LGALS9: variants seen among roughly 807,000 people sequenced by gnomAD.
The protein encoded by LGALS9 is galectin-9.
Under a neutral mutation model 35.9 loss-of-function variants are expected in LGALS9, and 26 were observed. The observed-to-expected ratio is 0.72, with a 90% CI of 0.53 to 1.01. The LOEUF (loss-of-function observed/expected upper bound fraction) is 1.01, where lower values mean the gene tolerates loss of function less well. Among genes scored for constraint, LGALS9 ranks in the 50% least tolerant of loss-of-function variants. The pLI, the probability that LGALS9 is intolerant of heterozygous loss-of-function variation, is 0.00. For synonymous variants in LGALS9, 149 were observed against 172.2 expected (o/e 0.87, Z 1.06); for missense variants, 347 against 445.8 (o/e 0.78, Z 1.99).
chr17:27,632,559 G>A (rs1360259364), intron 1 of LGALS9, among the ~76,000 whole-genome samples: 1 of 152,208 alleles, frequency 6.6e-6, no homozygotes, highest in Admixed American at 6.5e-5. Flanking sequence ...GGAACAGGCC[G>A]CTGGTGGGGG....
intron 3 of LGALS9, 122 bp downstream of exon 3, chr17:27,640,895 C>A (rs569304883): frequency 6.3e-6 from 9 of 1,431,082 alleles, no homozygotes; most frequent in Non-Finnish European, 8.7e-6. Context: ...ACAGATAACA[C>A]GCTCATTTCC....
At chr17:27,631,401 T>G (rs1598176336) in intron 1 of LGALS9, 97 bp downstream of exon 1, 1 of 1,489,982 alleles carries the variant, frequency 6.7e-7, no homozygotes. Context: ...GGGATGGGGG[T>G]GGGGGCATCC....
chr17:27,641,515 C>T (rs1242964502), intron 3 of LGALS9, among the ~76,000 whole-genome samples: 1 of 152,140 alleles, frequency 6.6e-6, no homozygotes, highest in East Asian at 1.9e-4. Flanking sequence ...GGAAACAACA[C>T]ACCCTTGGGC....
chr17:27,645,168 G>A (rs1904839508), intron 5 of LGALS9, 146 bp from the exon 6 acceptor site: 6 of 1,562,594 alleles, frequency 3.8e-6, no homozygotes, highest in Non-Finnish European at 5.2e-6. Flanking sequence ...ACGGGCTCAG[G>A]AAGGCTTGCT....
At chr17:27,644,140 G>C (rs1049034168) in intron 5 of LGALS9, 1 of 153,888 alleles carries the variant, frequency 6.5e-6, no homozygotes, top group African/African-American at 2.4e-5. Flanking sequence ...AGGCCCTCTT[G>C]GGCCACCATG....
Position 27,649,284 on chromosome 17 carries a change from A to G in LGALS9, c.*302A>G. 1 of 483,924 alleles carries G rather than the reference A, an allele frequency of 2.1e-6. No homozygotes were observed. Among genetic ancestry groups the G allele is most frequent in the Non-Finnish European group, 3.8e-6 (1 of 261,548 alleles). 30.0% of individuals were successfully genotyped at this position (483,924 alleles called of 1,614,324 possible). ...GAGTGGGCAGTGAAGATGAAGCCCC[A>G]TGCTCAGTCCCCTCCCATCCCCCAC... On this transcript the variant is annotated 3_prime_UTR_variant, in exon 11 of 11. Coordinates refer to ENST00000395473, the MANE Select transcript of LGALS9 (RefSeq NM_009587.3).
intron 2 of LGALS9, among the ~76,000 whole-genome samples, chr17:27,639,026 G>T (rs1309331167): frequency 6.6e-6 from 1 of 152,134 alleles, no homozygotes; most frequent in African/African-American, 2.4e-5. Flanking sequence ...ACCATGGGTG[G>T]CTGCCTGCTG....
chr17:27,643,672 G>A lies in LGALS9; in HGVS notation c.540+52G>A, dbSNP rs748706611. On this transcript the variant is annotated intron_variant, in intron 5 of 10. Coordinates refer to ENST00000395473, the MANE Select transcript of LGALS9 (RefSeq NM_009587.3). Reference sequence around the variant, plus strand: ...GGCCGAGCAGACAGTAGGAAGGACCGAGGGTCTGAGAGGCTGGCCCCAGCC... The same window carrying A: ...GGCCGAGCAGACAGTAGGAAGGACCAAGGGTCTGAGAGGCTGGCCCCAGCC... 99 of 1,528,780 alleles carry A rather than the reference G, an allele frequency of 6.5e-5. No individual in the cohort carries two copies. The Admixed American group carries it at 1.0e-3, about 16-fold the overall frequency. The allele number at this position is 1,528,780 out of a possible 1,614,324, so 94.7% of individuals were successfully genotyped here.
intron 2 of LGALS9, chr17:27,638,712 T>G (rs1043407239): frequency 8.7e-6 from 3 of 346,012 alleles, no homozygotes; most frequent in African/African-American, 4.2e-5. Context: ...TCATCCACTC[T>G]GAAGCTCTCC....
At chr17:27,646,424 G>T in intron 7 of LGALS9, 123 bp from the exon 8 acceptor site, 1 of 1,487,190 alleles carries the variant, frequency 6.7e-7, no homozygotes, top group Non-Finnish European at 9.4e-7. Context: ...GCGAGTCCAA[G>T]GGCCAAAGGC....
intron 3 of LGALS9, among the ~76,000 whole-genome samples, chr17:27,641,753 C>T (rs1273629468): frequency 1.3e-5 from 2 of 152,038 alleles, no homozygotes; most frequent in Non-Finnish European, 2.9e-5. Flanking sequence ...GAGGGCGGAT[C>T]GCTTCAGGTC....
intron 10 of LGALS9, among the ~76,000 whole-genome samples, chr17:27,647,653 G>T (rs1366481515): frequency 6.6e-6 from 1 of 152,220 alleles, no homozygotes; most frequent in East Asian, 1.9e-4. Context: ...ACTCACAAGT[G>T]CAGGTTACTT....
chr17:27,642,379 G>A, intron 4 of LGALS9, 31 bp downstream of exon 4: 4 of 1,611,532 alleles, frequency 2.5e-6, no homozygotes, highest in South Asian at 1.1e-5. Flanking sequence ...CCGGTCCCAG[G>A]GGCTGGGATG....
intron 3 of LGALS9, 78 bp downstream of exon 3, chr17:27,640,851 C>T: frequency 6.3e-7 from 1 of 1,582,156 alleles, no homozygotes; most frequent in Middle Eastern, 1.7e-4. Flanking sequence ...AAGTAATCAC[C>T]TAAATTGACA....
chr17:27,648,706 G>C, intron 10 of LGALS9, 130 bp from the exon 11 acceptor site: 1 of 1,479,356 alleles, frequency 6.8e-7, no homozygotes, highest in South Asian at 1.2e-5. Context: ...CGTTCAGTGG[G>C]GATAGAGTGC....
chr17:27,637,604 G>A (rs1019874883), intron 1 of LGALS9, among the ~76,000 whole-genome samples: 1 of 152,188 alleles, frequency 6.6e-6, no homozygotes, highest in African/African-American at 2.4e-5. Context: ...TGGGGAGCCC[G>A]GGCACAGAAA....
At chr17:27,636,118 G>GGT (rs5819818) in intron 1 of LGALS9, among the ~76,000 whole-genome samples, 33,631 of 152,128 alleles carry the variant, frequency 0.22, 3,848 homozygotes, top group Admixed American at 0.29. Context: ...CACGGTGCCA[G>GGT]GTGTGTACAC....
intron 7 of LGALS9, among the ~76,000 whole-genome samples, chr17:27,646,163 A>G (rs1291767884): frequency 9.9e-5 from 15 of 152,260 alleles, no homozygotes; most frequent in South Asian, 8.3e-4. Context: ...AAACTGGTCC[A>G]TCTGTCACCA....
At position 27,647,044 on chromosome 17, in the gene LGALS9, C is replaced by G. The variant is rs1905003430; in HGVS notation, c.684C>G (p.Ile228Met). The G allele has an allele frequency of 1.9e-6, 3 of 1,613,954 alleles. No homozygotes were observed. The highest frequency in any genetic ancestry group is 2.5e-6 in the Non-Finnish European group (3 of 1,179,950). The change falls in exon 9 of 11, where the codon ATC becomes ATG. Residue 228 changes from isoleucine to methionine, a missense_variant. Ile to Met is a conservative substitution (Grantham distance 10). Transcript: ENST00000395473. The stretch of plus-strand genomic sequence containing the variant: ...TCTTCCGACAGCCGATGCCTTTCAT[C>G]ACCACCATTCTGGGAGGGCTGTACC... Reference protein sequence around the residue: ...YPHPAYPMPFITTILGGLYPS... With the variant: ...YPHPAYPMPFMTTILGGLYPS...
Sources: gnomAD v4.1 joint callset for allele counts (sites outside exome capture counted in the v4.1 genomes callset) on GRCh38, gnomAD v4.1.1 for gene constraint, MANE v1.5 for transcripts, NCBI Gene and HGNC (gene_info 2026-07-23, HGNC 2026-07-21) for gene names.